The following MEGF6 variants were observed in gnomAD, a reference collection of about 807,000 sequenced individuals.
MEGF6 encodes the protein multiple epidermal growth factor-like domains protein 6.
In MEGF6, 184 loss-of-function variants were observed where a neutral mutation model predicts 207.1. The ratio of observed to expected loss-of-function variants is 0.89; its 90% CI spans 0.79 to 1.00. The LOEUF is 1.00. MEGF6 is among the 50% of genes least tolerant of loss of function. The pLI is 0.00. For synonymous variants in MEGF6, 1,038 were observed against 910.0 expected (o/e 1.14, Z -2.53); for missense variants, 2,282 against 2,202.9 (o/e 1.04, Z -0.72).
chr1:3,557,750 G>A (rs1421470409), intron 4 of MEGF6, among the ~76,000 whole-genome samples: 1 of 152,236 alleles, frequency 6.6e-6, no homozygotes, highest in African/African-American at 2.4e-5. Flanking sequence ...GGGAGTTCAG[G>A]GGATAAAGTG....
At chr1:3,554,141 A>C (rs1453323340) in intron 4 of MEGF6, among the ~76,000 whole-genome samples, 1 of 151,780 alleles carries the variant, frequency 6.6e-6, no homozygotes, top group Non-Finnish European at 1.5e-5. Flanking sequence ...CATGCGCCCC[A>C]TCCCGCCCCC....
rs200641565 is a variant in MEGF6, at chr1:3,503,820, G to A, written c.2188+1388C>T. 3.3e-5 allele frequency among the ~76,000 whole-genome samples: 5 copies of A among 152,116 alleles called. No individual in the cohort carries two copies. The East Asian group carries it at 5.8e-4, about 18-fold the overall frequency. ...TCAGGAGGAGCTGAGTCCCATGTCC[G>A]CGCACTGATGAAGCCCTAGGGCTTG... On this transcript the variant is annotated intron_variant, in intron 17 of 36. Coordinates refer to ENST00000356575, the MANE Select transcript of MEGF6 (RefSeq NM_001409.4).
At chr1:3,523,976 G>T in intron 5 of MEGF6, 148 bp downstream of exon 5, 1 of 907,198 alleles carries the variant, frequency 1.1e-6, no homozygotes, top group Non-Finnish European at 1.6e-6. Flanking sequence ...ATTCCATAGA[G>T]CCATGCTCCG....
Position 3,499,266 on chromosome 1 carries a change from G to T in MEGF6, c.2966C>A (p.Thr989Asn). The T allele has an allele frequency of 1.2e-6, 2 of 1,603,070 alleles. No individual in the cohort carries two copies. The highest frequency in any genetic ancestry group is 2.2e-5 in the South Asian group (2 of 89,206). Residue 989 changes from threonine to asparagine, a missense_variant and splice_region_variant, in exon 24 of 37, where the codon ACC (threonine) becomes AAC (asparagine). Thr to Asn is a moderately conservative substitution (Grantham distance 65, BLOSUM62 0). Transcript: ENST00000356575. ...GTGCCCGTAGGTGTGGGCTGGGCAGGCTGCAGGTGGAGAGGGCTGGTCAGA... is the reference window on the plus strand; with the variant it reads ...GTGCCCGTAGGTGTGGGCTGGGCAGTCTGCAGGTGGAGAGGGCTGGTCAGA... Reference protein sequence around the residue: ...AGRRGPRCAETCPAHTYGHNC... With the variant: ...AGRRGPRCAENCPAHTYGHNC...
chr1:3,609,121 A>T (rs1261463273), intron 1 of MEGF6, among the ~76,000 whole-genome samples: 3 of 152,150 alleles, frequency 2.0e-5, no homozygotes, highest in African/African-American at 7.2e-5. Context: ...GGAAAGGGTA[A>T]TGGGGAGGAC....
In MEGF6 at chr1:3,498,437, G is replaced by A. The variant is rs1557717867; in HGVS notation, c.3286C>T (p.Leu1096=). ...RHSGGCLNGG[L]CDPHTGRCLC... is the part of the protein sequence containing the mutation. ...CAGCGGCCCGTGTGCGGGTCACACAGGCCCCCGTTGAGGCAACCGCCGCTG... is the reference window on the plus strand; with the variant it reads ...CAGCGGCCCGTGTGCGGGTCACACAAGCCCCCGTTGAGGCAACCGCCGCTG... Residue 1096 remains leucine, a synonymous_variant, in exon 26 of 37, where the codon CTG becomes TTG. Coordinates refer to ENST00000356575, the MANE Select transcript of MEGF6 (RefSeq NM_001409.4). 3 of 1,579,886 alleles carry A rather than the reference G, an allele frequency of 1.9e-6. No homozygotes were observed. In the South Asian group the frequency reaches 3.4e-5, roughly 18 times the overall value.
At position 3,565,603 on chromosome 1, in the gene MEGF6, C is replaced by G. The variant is rs569824333; in HGVS notation, c.481+14222G>C. On this transcript the variant is annotated intron_variant, in intron 4 of 36. Coordinates refer to ENST00000356575, the MANE Select transcript of MEGF6 (RefSeq NM_001409.4). This position sits in a 1 kb window ranked among gnomAD's most constrained non-coding sequence, Gnocchi z 4.8. ...ACGGTCCCCATGGTAGGACCTGGGG[C>G]ACAGCACCAGGGTGCCCGGTGTCCA... Among the ~76,000 whole-genome samples the G allele has an allele frequency of 1.3e-5, 2 of 152,286 alleles. No homozygotes were observed. The highest frequency in any genetic ancestry group is 3.9e-4 in the East Asian group (2 of 5,170).
intron 21 of MEGF6, 58 bp from the exon 22 acceptor site, chr1:3,499,982 G>A (rs1447882790): frequency 2.3e-5 from 34 of 1,498,926 alleles, no homozygotes; most frequent in Admixed American, 1.3e-4. Context: ...TGACCCAGCC[G>A]TGCCCGGGCC....
chr1:3,621,431 T>C, the MEGF6 span, among the ~76,000 whole-genome samples: 1 of 152,270 alleles, frequency 6.6e-6, no homozygotes, highest in Non-Finnish European at 1.5e-5. Flanking sequence ...CTGTACGGCC[T>C]GGTTTTTTCT....
intron 5 of MEGF6, among the ~76,000 whole-genome samples, chr1:3,516,893 C>T (rs1224327573): frequency 6.6e-6 from 1 of 152,190 alleles, no homozygotes; most frequent in African/African-American, 2.4e-5. Context: ...GTCCCTGGCA[C>T]GTGCAGGCTG....
intron 9 of MEGF6, 59 bp from the exon 10 acceptor site, chr1:3,510,961 CA>C: frequency 7.2e-7 from 1 of 1,384,694 alleles, no homozygotes; most frequent in East Asian, 2.9e-5. Context: ...CACACGCCCC[CA>C]CCCACACACA....
At chr1:3,540,115 GCAGT>G (rs1183431559) in intron 4 of MEGF6, among the ~76,000 whole-genome samples, 1 of 152,216 alleles carries the variant, frequency 6.6e-6, no homozygotes, top group African/African-American at 2.4e-5. Context: ...CTGGTTCTAG[GCAGT>G]CAGAGAAAGC....
chr1:3,617,035 C>G, the MEGF6 span, among the ~76,000 whole-genome samples: 1 of 152,090 alleles, frequency 6.6e-6, no homozygotes, highest in Non-Finnish European at 1.5e-5. Flanking sequence ...TGGGCTGCGG[C>G]GTGCAGGCTT....
intron 21 of MEGF6, among the ~76,000 whole-genome samples, chr1:3,500,395 G>A (rs1044072769): frequency 1.3e-5 from 2 of 152,276 alleles, no homozygotes; most frequent in Non-Finnish European, 2.9e-5. Context: ...GAGCAGTGGG[G>A]GCTGGGAAAG....
At chr1:3,537,169 G>A (rs1642358256) in intron 4 of MEGF6, among the ~76,000 whole-genome samples, 1 of 152,256 alleles carries the variant, frequency 6.6e-6, no homozygotes, top group Admixed American at 6.5e-5. Flanking sequence ...GGCTGCCAGT[G>A]GGGCCCAAGG....
chr1:3,595,341 A>C lies in MEGF6; in HGVS notation c.373T>G (p.Ser125Ala). ...GGGAGGCGCAGGCGGCACTCACCCGAGAGGCAGCCCTCCTCGTCGGGCTGC... is the reference window on the plus strand; with the variant it reads ...GGGAGGCGCAGGCGGCACTCACCCGCGAGGCAGCCCTCCTCGTCGGGCTGC... ...MQQPDEEGCL[S>A]AECSASLCFH... Residue 125 changes from serine to alanine, a missense_variant, in exon 3 of 37, where the codon TCG becomes GCG. By Grantham distance (99) the Ser-to-Ala change is moderately conservative. Transcript: ENST00000356575. 6.2e-7 allele frequency: 1 copy of C among 1,611,064 alleles called. No individual in the cohort carries two copies. The highest frequency in any genetic ancestry group is 8.5e-7 in the Non-Finnish European group (1 of 1,178,642).
chr1:3,531,861 G>A lies in MEGF6; in HGVS notation c.482-7615C>T, dbSNP rs575397068. Among the ~76,000 whole-genome samples the A allele has an allele frequency of 1.3e-3, 193 of 152,330 alleles. 2 individuals are homozygous for A. Among genetic ancestry groups the A allele is most frequent in the South Asian group, 6.0e-3 (29 of 4,828 alleles). On this transcript the variant is annotated intron_variant, in intron 4 of 36. Transcript: ENST00000356575. The stretch of plus-strand genomic sequence containing the variant: ...GCGGGGGAGGGGGGCCTGCAGAGGC[G>A]GCTGGTGGGGCTGAACTCTGACAAG...
At chr1:3,495,425 C>T (rs1241048453) in intron 30 of MEGF6, among the ~76,000 whole-genome samples, 4 of 152,184 alleles carry the variant, frequency 2.6e-5, no homozygotes, top group African/African-American at 9.7e-5. Context: ...CTACGCCTGT[C>T]CCCTGGGTCC....
intron 13 of MEGF6, among the ~76,000 whole-genome samples, chr1:3,508,322 T>A (rs1641195861): frequency 6.6e-6 from 1 of 152,240 alleles, no homozygotes; most frequent in Non-Finnish European, 1.5e-5. Context: ...ACAAACACTT[T>A]AACTTGCTTG....
Sources: allele counts gnomAD v4.1 joint callset (sites outside exome capture counted in the v4.1 genomes callset), GRCh38; gene constraint gnomAD v4.1.1; non-coding constraint Gnocchi (gnomAD v3.1); transcripts MANE v1.5; gene names NCBI Gene and HGNC (gene_info 2026-07-23, HGNC 2026-07-21).